ZFP64: variants seen among roughly 807,000 people sequenced by gnomAD.
The protein encoded by ZFP64 is zinc finger protein 64.
In ZFP64, 14 loss-of-function variants were observed where a neutral mutation model predicts 51.6. The ratio of observed to expected loss-of-function variants is 0.27; its 90% CI spans 0.18 to 0.42. The LOEUF (loss-of-function observed/expected upper bound fraction) is 0.42. Ranked by LOEUF, ZFP64 falls within the 10% of genes least tolerant of loss-of-function variation. The pLI, the probability that ZFP64 is intolerant of heterozygous loss-of-function variation, is 1.00. For synonymous variants in ZFP64, 375 were observed against 361.4 expected (o/e 1.04, Z -0.43); for missense variants, 754 against 906.8 (o/e 0.83, Z 2.16).
intron 4 of ZFP64, among the ~76,000 whole-genome samples, chr20:52,164,231 T>G (rs1380466064): frequency 6.6e-6 from 1 of 152,030 alleles, no homozygotes; most frequent in Non-Finnish European, 1.5e-5. Context: ...GCGGGTCGAG[T>G]GCCACCGCAC....
At chr20:52,170,283 C>A (rs1982614433) in intron 2 of ZFP64, among the ~76,000 whole-genome samples, 1 of 151,818 alleles carries the variant, frequency 6.6e-6, no homozygotes, top group Non-Finnish European at 1.5e-5. Context: ...GAGACCCTGT[C>A]TCTACTAAAA....
chr20:52,173,613 A>G (rs943799936), intron 2 of ZFP64, among the ~76,000 whole-genome samples: 2 of 151,626 alleles, frequency 1.3e-5, no homozygotes, highest in Admixed American at 6.6e-5. Context: ...AAACTTCCCA[A>G]TGCTGTCAAA....
At chr20:52,130,586 T>A (rs1368294367) in intron 5 of ZFP64, among the ~76,000 whole-genome samples, 1 of 152,184 alleles carries the variant, frequency 6.6e-6, no homozygotes, top group Non-Finnish European at 1.5e-5. Context: ...ATTTCCTTTT[T>A]GCTCATGGAA....
At position 52,104,281 on chromosome 20, in the gene ZFP64, G is replaced by C. The variant is rs116211817; in HGVS notation, c.764-5694C>G. ...GATCCCTAACTTGCAGGAAGAATTT[G>C]GCGAGCGAGAAAAGGTCCCCTCCCG... On this transcript the variant is annotated intron_variant, in intron 5 of 8. Coordinates refer to the ZFP64 transcript ENST00000361387. Among the ~76,000 whole-genome samples the C allele has an allele frequency of 9.2e-3, 1,406 of 152,320 alleles. 24 individuals are homozygous for C. The highest frequency in any genetic ancestry group is 0.032 in the African/African-American group (1,326 of 41,570).
rs770582079 is a variant in ZFP64 at position 52,165,001 on chromosome 20, C to A, written c.449-244G>T. The stretch of plus-strand genomic sequence containing the variant: ...ACATCAAATAAACCCAAACTGAGGC[C>A]CTTTTGACAAAAATCACTGGCCTAT... On this transcript the variant is annotated intron_variant, in intron 3 of 5. Transcript: ENST00000216923. The A allele has an allele frequency of 9.9e-5, 63 of 637,228 alleles. No homozygotes were observed. The Middle Eastern group carries it at 2.5e-3, about 25-fold the overall frequency. 39.5% of individuals were successfully genotyped at this position (637,228 alleles called of 1,614,324 possible).
Position 52,171,778 on chromosome 20 carries a change from C to T in ZFP64, c.287-5753G>A, listed in dbSNP as rs1982759613. On this transcript the variant is annotated intron_variant, in intron 2 of 5. Coordinates refer to ENST00000216923, the MANE Select transcript of ZFP64 (RefSeq NM_018197.3). ...TTTTTTTTTTTTTGAGATGCAGTCT[C>T]GCTCTGTCACCCAGGCTGGAGTGCA... 2.0e-5 allele frequency among the ~76,000 whole-genome samples: 3 copies of T among 149,094 alleles called. No individual in the cohort carries two copies. In the South Asian group the frequency reaches 6.3e-4, roughly 31 times the overall value.
rs374976001 is a variant in ZFP64, at chr20:52,085,130, C to T, written c.1365G>A (p.Ala455=). Reference sequence around the variant, plus strand: ...TGATGCGGATGTGCGATTTGAGATTCGCCTTCATGGTGCAGCGGACGTCGC... The same window carrying T: ...TGATGCGGATGTGCGATTTGAGATTTGCCTTCATGGTGCAGCGGACGTCGC... The change falls in exon 9 of 9, where the codon GCG becomes GCA. Residue 455 remains alanine (A), a synonymous_variant. Coordinates refer to the ZFP64 transcript ENST00000361387. This position sits in a 1 kb window ranked among gnomAD's most constrained non-coding sequence, Gnocchi z 4.3. 2.5e-6 allele frequency: 4 copies of T among 1,614,246 alleles called. No homozygotes were observed. Among genetic ancestry groups the T allele is most frequent in the Admixed American group, 1.7e-5 (1 of 60,030 alleles).
At chr20:52,163,695 T>C (rs1044481501) in intron 4 of ZFP64, among the ~76,000 whole-genome samples, 2 of 152,224 alleles carry the variant, frequency 1.3e-5, no homozygotes, top group African/African-American at 2.4e-5. Flanking sequence ...TTTGGGCAAT[T>C]AGCGAAGCCA....
chr20:52,128,012 G>A (rs1979528312), intron 5 of ZFP64, among the ~76,000 whole-genome samples: 1 of 152,148 alleles, frequency 6.6e-6, no homozygotes, highest in African/African-American at 2.4e-5. Context: ...TTGGCTCTGG[G>A]CTGTGGTTTG....
chr20:52,164,613 C>A, intron 4 of ZFP64, 82 bp downstream of exon 4: 1 of 1,179,512 alleles, frequency 8.5e-7, no homozygotes, highest in Non-Finnish European at 1.3e-6. Context: ...GGAGTGGTAT[C>A]ATTCGTCTGA....
At chr20:52,101,049 T>C (rs1361334005) in intron 5 of ZFP64, among the ~76,000 whole-genome samples, 1 of 152,130 alleles carries the variant, frequency 6.6e-6, no homozygotes, top group Non-Finnish European at 1.5e-5. Flanking sequence ...TTTTCAATTG[T>C]CATGATTCTG....
chr20:52,161,718 TATC>T (rs1981826722), intron 4 of ZFP64, among the ~76,000 whole-genome samples: 1 of 152,202 alleles, frequency 6.6e-6, no homozygotes, highest in African/African-American at 2.4e-5. Context: ...TGATAGCGTG[TATC>T]ATATTAACTT....
At chr20:52,093,982 A>G (rs1301428993) in intron 7 of ZFP64, among the ~76,000 whole-genome samples, 4 of 152,202 alleles carry the variant, frequency 2.6e-5, no homozygotes, top group African/African-American at 9.6e-5. Flanking sequence ...GATATATCTT[A>G]TTAGATTTAA....
chr20:52,113,366 T>C (rs1396263094), intron 5 of ZFP64, among the ~76,000 whole-genome samples: 3 of 139,632 alleles, frequency 2.1e-5, no homozygotes, highest in Non-Finnish European at 4.7e-5. Flanking sequence ...GAAAGAAAAC[T>C]AGACAGGAAC....
chr20:52,090,850 C>T (rs1226573988), intron 7 of ZFP64, among the ~76,000 whole-genome samples: 1 of 141,060 alleles, frequency 7.1e-6, no homozygotes, highest in Non-Finnish European at 1.5e-5. Flanking sequence ...ATCTGTAATC[C>T]CAACACTTTT....
At chr20:52,097,960 CA>C (rs375712206) in intron 6 of ZFP64, among the ~76,000 whole-genome samples, 11 of 151,888 alleles carry the variant, frequency 7.2e-5, no homozygotes, top group African/African-American at 2.4e-4. Context: ...CCCAACTACT[CA>C]GGGGGCGGAT....
At position 52,116,477 on chromosome 20, in the gene ZFP64, T is replaced by C. The variant is rs959069675; in HGVS notation, c.764-17890A>G. Among the ~76,000 whole-genome samples, 3 of 151,626 alleles carry C rather than the reference T, an allele frequency of 2.0e-5. No homozygotes were observed. In the East Asian group the frequency reaches 5.8e-4, roughly 29 times the overall value. Reference sequence around the variant, plus strand: ...TTTTTTTTTTAAAGAAAATAAGGAATGTATTCATATACTACTTTATAGTTA... The same window carrying C: ...TTTTTTTTTTAAAGAAAATAAGGAACGTATTCATATACTACTTTATAGTTA... On this transcript the variant is annotated intron_variant, in intron 5 of 8. Transcript: ENST00000361387.
chr20:52,101,869 A>G (rs2079054121), intron 5 of ZFP64, among the ~76,000 whole-genome samples: 1 of 149,926 alleles, frequency 6.7e-6, no homozygotes, highest in Non-Finnish European at 1.5e-5. Flanking sequence ...CTGTAATCCT[A>G]GCATTTTGGG....
At chr20:52,163,313 A>T (rs1981980445) in intron 4 of ZFP64, among the ~76,000 whole-genome samples, 1 of 152,210 alleles carries the variant, frequency 6.6e-6, no homozygotes, top group Non-Finnish European at 1.5e-5. Context: ...GTGAGCCAAG[A>T]TTGAACCATT....
Sources: allele counts gnomAD v4.1 joint callset (sites outside exome capture counted in the v4.1 genomes callset), GRCh38; gene constraint gnomAD v4.1.1; non-coding constraint Gnocchi (gnomAD v3.1); transcripts MANE v1.5; gene names NCBI Gene and HGNC (gene_info 2026-07-23, HGNC 2026-07-21).